Variants in NF1 observed in about 807,000 individuals in gnomAD.
NF1 encodes neurofibromin.
Under a neutral mutation model 325.7 loss-of-function variants are expected in NF1, and 122 were observed. The observed-to-expected ratio is 0.37, with a 90% CI of 0.32 to 0.44. The LOEUF (loss-of-function observed/expected upper bound fraction) is 0.44, where lower values mean the gene tolerates loss of function less well. Among genes scored for constraint, NF1 ranks in the 20% least tolerant of loss-of-function variants. The probability of loss-of-function intolerance (pLI) is 1.00; values close to 1 mark genes in which losing one functional copy is unlikely to be tolerated. For missense variants in NF1, 2,140 were observed against 3,415.4 expected (o/e 0.63, Z 9.31); for synonymous variants, 1,091 against 1,186.0 (o/e 0.92, Z 1.65).
In NF1 at chr17:31,220,111, G is replaced by A. The variant is rs555622856; in HGVS notation, c.1641+993G>A. 4.6e-5 allele frequency among the ~76,000 whole-genome samples: 7 copies of A among 152,164 alleles called. No individual in the cohort carries two copies. In the South Asian group the frequency reaches 1.0e-3, roughly 23 times the overall value. ...AACTCTGTCGAACTTTTGAGGAACT[G>A]TCAAACTCTTTTTCTGAAGCAGCTG... On this transcript the variant is annotated intron_variant, in intron 14 of 57. Transcript: ENST00000358273.
intron 36 of NF1, among the ~76,000 whole-genome samples, chr17:31,297,733 CTT>C (rs1374205686): frequency 6.6e-6 from 1 of 151,952 alleles, no homozygotes; most frequent in East Asian, 1.9e-4. Context: ...TGTTTTATGA[CTT>C]TTATGTCTTC....
chr17:31,269,266 A>G (rs1294010395), intron 36 of NF1, among the ~76,000 whole-genome samples: 2 of 152,330 alleles, frequency 1.3e-5, no homozygotes, highest in East Asian at 3.9e-4. Context: ...GTAGTCAAAC[A>G]TGCAAGGTAA....
At chr17:31,319,405 C>T (rs1341612157) in intron 36 of NF1, among the ~76,000 whole-genome samples, 2 of 151,292 alleles carry the variant, frequency 1.3e-5, no homozygotes, top group African/African-American at 4.9e-5. Flanking sequence ...ATCATTCTTA[C>T]AGAAACTACC....
At chr17:31,232,263 A>ATT (rs2067126234) in intron 25 of NF1, 74 bp downstream of exon 25, 26 of 895,530 alleles carry the variant, frequency 2.9e-5, no homozygotes, top group Middle Eastern at 2.2e-4. Context: ...AAGCAAAGAA[A>ATT]TAATACCCAT....
At chr17:31,368,616 C>T (rs1204879101) in intron 57 of NF1, among the ~76,000 whole-genome samples, 2 of 152,142 alleles carry the variant, frequency 1.3e-5, no homozygotes, top group South Asian at 2.1e-4. Context: ...TTTACAAATT[C>T]TAGCATAAAA....
intron 11 of NF1, among the ~76,000 whole-genome samples, chr17:31,205,071 A>C (rs1336371884): frequency 6.6e-6 from 1 of 152,184 alleles, no homozygotes; most frequent in Non-Finnish European, 1.5e-5. Context: ...AATGGAGTTC[A>C]GTATTCAAAA....
intron 36 of NF1, among the ~76,000 whole-genome samples, chr17:31,280,188 G>T (rs1315206149): frequency 6.6e-6 from 1 of 151,460 alleles, no homozygotes; most frequent in African/African-American, 2.4e-5. Context: ...AGGCTTTATA[G>T]CCCATATAAA....
At chr17:31,201,807 C>T (rs1194310881) in intron 11 of NF1, among the ~76,000 whole-genome samples, 3 of 152,064 alleles carry the variant, frequency 2.0e-5, no homozygotes, top group African/African-American at 4.8e-5. Context: ...ATTTTCATCC[C>T]GAAGCTTTTC....
At chr17:31,258,601 C>T in intron 32 of NF1, 99 bp downstream of exon 32, 4 of 1,251,196 alleles carry the variant, frequency 3.2e-6, no homozygotes, top group Non-Finnish European at 4.5e-6. Flanking sequence ...TTTGAAATAC[C>T]CTATGGTTTT....
chr17:31,370,148 T>C (rs1213251384), intron 57 of NF1, among the ~76,000 whole-genome samples: 2 of 152,274 alleles, frequency 1.3e-5, no homozygotes, highest in African/African-American at 2.4e-5. Flanking sequence ...GGTCACTAAG[T>C]AGGAAGAAAA....
chr17:31,167,700 GGTT>G (rs2065867618), intron 4 of NF1, among the ~76,000 whole-genome samples: 1 of 152,086 alleles, frequency 6.6e-6, no homozygotes, highest in South Asian at 2.1e-4. Flanking sequence ...TGAGTGCTGT[GGTT>G]GTTGGTGTAA....
intron 19 of NF1, 78 bp from the exon 20 acceptor site, chr17:31,227,445 G>A (rs1333514705): frequency 1.3e-6 from 2 of 1,508,232 alleles, no homozygotes; most frequent in African/African-American, 1.4e-5. Context: ...TATACATCAA[G>A]TTTGAAACTT....
At chr17:31,105,346 T>G (rs1912763897) in intron 1 of NF1, among the ~76,000 whole-genome samples, 1 of 152,250 alleles carries the variant, frequency 6.6e-6, no homozygotes, top group Non-Finnish European at 1.5e-5. Context: ...TGGTACTAAT[T>G]ACTTTGCAGT....
rs111966577 is a variant in NF1, at chr17:31,345,450, G to A, written c.7189+2315G>A. The A allele has an allele frequency of 7.3e-6, 10 of 1,377,884 alleles. No homozygotes were observed. The South Asian group carries it at 1.4e-4, about 19-fold the overall frequency. The allele number at this position is 1,377,884 out of a possible 1,614,324, so 85.4% of individuals were successfully genotyped here. A position where few individuals can be genotyped will look rare whatever the true frequency, so the allele number is the denominator to read the frequency against. On this transcript the variant is annotated intron_variant, in intron 48 of 57. Coordinates refer to ENST00000358273, the MANE Select transcript of NF1 (RefSeq NM_001042492.3). The stretch of plus-strand genomic sequence containing the variant: ...CAGAGGTAGGGGGCCGAGAAACAAA[G>A]TTCCCGGGGCTCCCTCCGGGGCCGC...
In NF1 at chr17:31,219,011, A is replaced by T. The variant is rs2143985653; in HGVS notation, c.1534A>T (p.Arg512Ter). 1 of 1,612,982 alleles carries T rather than the reference A, an allele frequency of 6.2e-7. No homozygotes were observed. Among genetic ancestry groups the T allele is most frequent in the Non-Finnish European group, 8.5e-7 (1 of 1,179,460 alleles). Residue 512 changes from arginine (R) to a stop codon, truncating the protein, a stop_gained, in exon 14 of 58, where the codon AGA becomes TGA. Coordinates refer to ENST00000358273, the MANE Select transcript of NF1 (RefSeq NM_001042492.3). LOFTEE classifies it high-confidence loss of function. ...ADPKLLLCNPRKQGPETQGST... is the reference protein window; with the variant it reads ...ADPKLLLCNP Reference sequence around the variant, plus strand: ...TTCCTTTTTTTCCTTGCAGAATCCAAGAAAACAGGGGCCCGAAACCCAAGG... The same window carrying T: ...TTCCTTTTTTTCCTTGCAGAATCCATGAAAACAGGGGCCCGAAACCCAAGG...
At chr17:31,205,113 A>G (rs889854455) in intron 11 of NF1, among the ~76,000 whole-genome samples, 3 of 152,132 alleles carry the variant, frequency 2.0e-5, no homozygotes, top group Non-Finnish European at 4.4e-5. Context: ...ATATTTTACT[A>G]TCCGGCGAAC....
At chr17:31,193,757 C>T (rs959663117) in intron 8 of NF1, among the ~76,000 whole-genome samples, 2 of 152,118 alleles carry the variant, frequency 1.3e-5, no homozygotes, top group Admixed American at 6.5e-5. Flanking sequence ...AGAAGACAGA[C>T]ACATGACCAA....
At chr17:31,172,063 A>G (rs575328132) in intron 5 of NF1, among the ~76,000 whole-genome samples, 3 of 152,320 alleles carry the variant, frequency 2.0e-5, no homozygotes, top group Admixed American at 2.0e-4. Context: ...TTTAATAAAA[A>G]TATGGCCAGG....
At chr17:31,281,059 C>G (rs2068109450) in intron 36 of NF1, among the ~76,000 whole-genome samples, 1 of 152,184 alleles carries the variant, frequency 6.6e-6, no homozygotes, top group Admixed American at 6.5e-5. Flanking sequence ...CAAAAAGTCA[C>G]TGGCTTATAA....
Sources: gnomAD v4.1 joint callset for allele counts (sites outside exome capture counted in the v4.1 genomes callset) on GRCh38, gnomAD v4.1.1 for gene constraint, MANE v1.5 for transcripts, NCBI Gene and HGNC (gene_info 2026-07-23, HGNC 2026-07-21) for gene names.